CIMIP5: variants seen among roughly 807,000 people sequenced by gnomAD.
CIMIP5 encodes ciliary microtubule inner protein 5, also known as uncharacterized protein C2orf50.
the CIMIP5 span, among the ~76,000 whole-genome samples, chr2:11,140,950 C>T: frequency 4.1e-4 from 63 of 152,170 alleles, no homozygotes; most frequent in African/African-American, 1.2e-3. Flanking sequence ...AATCCATCCT[C>T]CACATTGCCA....
chr2:11,144,007 A>T, the CIMIP5 span: 1 of 1,607,446 alleles, frequency 6.2e-7, no homozygotes, highest in Non-Finnish European at 8.5e-7. Flanking sequence ...GGTTGTGGGC[A>T]GCAGGCTGGA....
At chr2:11,154,235 G>A in the CIMIP5 span, among the ~76,000 whole-genome samples, 1 of 152,212 alleles carries the variant, frequency 6.6e-6, no homozygotes, top group Non-Finnish European at 1.5e-5. Context: ...GCTTCGCGGG[G>A]TCAATAACGA....
chr2:11,138,812 G>A, the CIMIP5 span, among the ~76,000 whole-genome samples: 4,968 of 152,226 alleles, frequency 0.033, 264 homozygotes, highest in African/African-American at 0.11. Context: ...ATGATTGTAA[G>A]TTTCCTGAGA....
At chr2:11,152,854 C>T in the CIMIP5 span, among the ~76,000 whole-genome samples, 5 of 145,758 alleles carry the variant, frequency 3.4e-5, no homozygotes, top group Non-Finnish European at 7.4e-5. Flanking sequence ...CCTGCATGGC[C>T]CAAACCTGGC....
the CIMIP5 span, among the ~76,000 whole-genome samples, chr2:11,142,163 G>C: frequency 6.6e-6 from 1 of 151,802 alleles, no homozygotes; most frequent in Non-Finnish European, 1.5e-5. Flanking sequence ...CTACTCGGGA[G>C]GCTGAGGCAG....
the CIMIP5 span, among the ~76,000 whole-genome samples, chr2:11,138,294 A>G: frequency 1.3e-5 from 2 of 152,230 alleles, no homozygotes; most frequent in South Asian, 4.1e-4. Flanking sequence ...TAATTTCTCT[A>G]TTAGCTCTAG....
the CIMIP5 span, among the ~76,000 whole-genome samples, chr2:11,137,955 C>G: frequency 3.9e-5 from 6 of 152,228 alleles, no homozygotes; most frequent in Non-Finnish European, 7.3e-5. Flanking sequence ...ACGCCATTCT[C>G]CTGCCTCGGC....
the CIMIP5 span, among the ~76,000 whole-genome samples, chr2:11,141,936 GATGA>G: frequency 6.6e-6 from 1 of 152,178 alleles, no homozygotes; most frequent in Non-Finnish European, 1.5e-5. Context: ...GTTCATGCTG[GATGA>G]ATGAATGAAT....
At chr2:11,138,632 A>G in the CIMIP5 span, among the ~76,000 whole-genome samples, 202 of 152,224 alleles carry the variant, frequency 1.3e-3, no homozygotes, top group Admixed American at 1.9e-3. Context: ...AGGCGATTGG[A>G]TCATGCGGGT....
the CIMIP5 span, chr2:11,144,101 A>G: frequency 1.9e-6 from 3 of 1,590,592 alleles, no homozygotes; most frequent in South Asian, 2.3e-5. Context: ...GACCAGATGC[A>G]GCCCATCTAG....
At chr2:11,148,922 C>T in the CIMIP5 span, among the ~76,000 whole-genome samples, 1 of 151,540 alleles carries the variant, frequency 6.6e-6, no homozygotes, top group Admixed American at 6.6e-5. Context: ...TTAGTAGAGA[C>T]GGGGGTTCAC....
the CIMIP5 span, among the ~76,000 whole-genome samples, chr2:11,142,188 C>A: frequency 6.7e-6 from 1 of 149,820 alleles, no homozygotes; most frequent in Non-Finnish European, 1.5e-5. Context: ...ATAGCTTGAA[C>A]CTGGGAGGCA....
At chr2:11,143,389 CAG>C in the CIMIP5 span, among the ~76,000 whole-genome samples, 9 of 151,820 alleles carry the variant, frequency 5.9e-5, no homozygotes, top group African/African-American at 2.2e-4. Context: ...AGGTCAAGGT[CAG>C]GGTGCCTTGG....
At chr2:11,143,394 T>C in the CIMIP5 span, among the ~76,000 whole-genome samples, 3 of 150,712 alleles carry the variant, frequency 2.0e-5, no homozygotes, top group African/African-American at 7.3e-5. Flanking sequence ...AAGGTCAGGG[T>C]GCCTTGGGAG....
At chr2:11,140,398 AT>A in the CIMIP5 span, 7 of 541,986 alleles carry the variant, frequency 1.3e-5, no homozygotes, top group South Asian at 4.8e-5. Flanking sequence ...AAAAAAAAAA[AT>A]TATTTAGTTC....
At chr2:11,138,453 G>A in the CIMIP5 span, among the ~76,000 whole-genome samples, 1 of 152,096 alleles carries the variant, frequency 6.6e-6, no homozygotes, top group Non-Finnish European at 1.5e-5. Flanking sequence ...CAAAGGGAAG[G>A]GCAGGGGTAA....
chr2:11,151,676 CTCTG>C, the CIMIP5 span, among the ~76,000 whole-genome samples: 1 of 152,256 alleles, frequency 6.6e-6, no homozygotes, highest in Non-Finnish European at 1.5e-5. Context: ...CTGTCACCCA[CTCTG>C]TCTGGAGTGC....
At chr2:11,135,547 C>T in the CIMIP5 span, among the ~76,000 whole-genome samples, 1 of 152,178 alleles carries the variant, frequency 6.6e-6, no homozygotes, top group East Asian at 1.9e-4. Flanking sequence ...TCTCCTGCCT[C>T]AGCCTCCTGA....
At chr2:11,146,971 G>A in the CIMIP5 span, among the ~76,000 whole-genome samples, 1 of 152,226 alleles carries the variant, frequency 6.6e-6, no homozygotes, top group Admixed American at 6.5e-5. Context: ...CACAAGAAAA[G>A]TCAAGGTTAA....
Sources: gnomAD v4.1 joint callset for allele counts (sites outside exome capture counted in the v4.1 genomes callset) on GRCh38, gnomAD v4.1.1 for gene constraint, MANE v1.5 for transcripts, NCBI Gene and HGNC (gene_info 2026-07-23, HGNC 2026-07-21) for gene names.